Variants in DNAI1 observed in about 807,000 individuals in gnomAD.
The protein encoded by DNAI1 is dynein, axonemal, intermediate polypeptide 1.
DNAI1 carries 67 observed loss-of-function variants against 92.0 expected under a neutral mutation model. The observed-to-expected ratio is 0.73, with a 90% CI of 0.60 to 0.89. The LOEUF (loss-of-function observed/expected upper bound fraction) is 0.89, where lower values mean the gene tolerates loss of function less well. Ranked by LOEUF, DNAI1 falls within the 40% of genes least tolerant of loss-of-function variation. The pLI is 0.00. For missense variants in DNAI1, 839 were observed against 866.6 expected (o/e 0.97, Z 0.40); for synonymous variants, 323 against 319.6 (o/e 1.01, Z -0.11).
intron 9 of DNAI1, 61 bp downstream of exon 9, chr9:34,493,389 G>C: frequency 6.2e-7 from 1 of 1,608,304 alleles, no homozygotes; most frequent in Non-Finnish European, 8.5e-7. Context: ...TGGCCTCTGG[G>C]TAGACAGAAG....
At chr9:34,465,132 A>G (rs1824013991) in intron 1 of DNAI1, among the ~76,000 whole-genome samples, 1 of 152,238 alleles carries the variant, frequency 6.6e-6, no homozygotes, top group African/African-American at 2.4e-5. Context: ...TGGAAAGGAC[A>G]ATTTCAGAGT....
At chr9:34,468,839 G>C (rs183203612) in intron 1 of DNAI1, among the ~76,000 whole-genome samples, 1 of 150,368 alleles carries the variant, frequency 6.7e-6, no homozygotes, top group Non-Finnish European at 1.5e-5. Flanking sequence ...AAAAAAAAGA[G>C]AAAAGAAAAA....
At position 34,485,226 on chromosome 9, in the gene DNAI1, G is replaced by C. The variant is rs755152825; in HGVS notation, c.166G>C (p.Glu56Gln). 1.9e-6 allele frequency: 3 copies of C among 1,614,076 alleles called. No homozygotes were observed. The highest frequency in any genetic ancestry group is 3.3e-5 in the Admixed American group (2 of 60,010). Residue 56 changes from glutamate to glutamine, a missense_variant, in exon 3 of 20, where the codon GAG becomes CAG. Coordinates refer to ENST00000242317, the MANE Select transcript of DNAI1 (RefSeq NM_012144.4). Reference protein sequence around the residue: ...KATVRPPDQLELTDAELKEEF... With the variant: ...KATVRPPDQLQLTDAELKEEF... ...CACAGTTAGACCCCCTGACCAGCTG[G>C]AGTTGACCGATGCGGTGAGTGAGTA...
chr9:34,505,470 C>G (rs1824908235), intron 12 of DNAI1, among the ~76,000 whole-genome samples: 1 of 152,244 alleles, frequency 6.6e-6, no homozygotes, highest in Non-Finnish European at 1.5e-5. Flanking sequence ...TTAATCAAAT[C>G]TGCAGAATCC....
rs760977934 is a variant in DNAI1 at position 34,491,580 on chromosome 9, C to T, written c.681+26C>T. 4 of 1,613,516 alleles carry T rather than the reference C, an allele frequency of 2.5e-6. 1 individual carries two copies. Reference sequence around the variant, plus strand: ...GTAAGACCCTGGGCCAGCCTGAAACCTCTTACCACCCACCTCTATGTATCC... The same window carrying T: ...GTAAGACCCTGGGCCAGCCTGAAACTTCTTACCACCCACCTCTATGTATCC... On this transcript the variant is annotated intron_variant, in intron 8 of 19. Coordinates refer to ENST00000242317, the MANE Select transcript of DNAI1 (RefSeq NM_012144.4).
intron 1 of DNAI1, among the ~76,000 whole-genome samples, chr9:34,472,690 C>A (rs1824162126): frequency 6.6e-6 from 1 of 152,074 alleles, no homozygotes; most frequent in Non-Finnish European, 1.5e-5. Context: ...TCACTTGAGG[C>A]CAGAAGTTTG....
intron 10 of DNAI1, among the ~76,000 whole-genome samples, chr9:34,497,684 T>C (rs888765499): frequency 2.0e-5 from 3 of 152,088 alleles, no homozygotes; most frequent in Admixed American, 6.6e-5. Context: ...GATCCTCACA[T>C]AGGAGAGAAG....
intron 1 of DNAI1, among the ~76,000 whole-genome samples, chr9:34,482,082 CAG>C (rs1482445708): frequency 2.6e-5 from 4 of 152,356 alleles, no homozygotes; most frequent in African/African-American, 9.6e-5. Flanking sequence ...TAGTTAGATA[CAG>C]AGTTTCCACA....
At chr9:34,513,245 G>T in intron 16 of DNAI1, 54 bp downstream of exon 16, 1 of 1,417,862 alleles carries the variant, frequency 7.1e-7, no homozygotes, top group Admixed American at 1.7e-5. Flanking sequence ...TGAGCACCTG[G>T]GGAGCTTAGA....
In DNAI1 at chr9:34,459,149, C is replaced by T. The variant is rs770833457; in HGVS notation, c.48+96C>T. The T allele has an allele frequency of 1.0e-4, 122 of 1,221,932 alleles. No homozygotes were observed. In the South Asian group the frequency reaches 1.3e-3, roughly 13 times the overall value. The allele number at this position is 1,221,932 out of a possible 1,614,324, so 75.7% of individuals were successfully genotyped here. On this transcript the variant is annotated intron_variant, in intron 1 of 19. Transcript: ENST00000242317. ...CTCCTACTGATCCTTGATCTTTTCT[C>T]TGTTGACCCCAGCCTTCTCACCCCC... is the stretch of plus-strand genomic sequence containing the variant.
At chr9:34,506,603 C>T in intron 12 of DNAI1, 24 bp from the exon 13 acceptor site, 1 of 1,614,030 alleles carries the variant, frequency 6.2e-7, no homozygotes, top group Non-Finnish European at 8.5e-7. Flanking sequence ...CCTCCAACCT[C>T]AGCCGCCCAT....
At chr9:34,497,414 G>T (rs1370882096) in intron 10 of DNAI1, among the ~76,000 whole-genome samples, 1 of 152,216 alleles carries the variant, frequency 6.6e-6, no homozygotes, top group Non-Finnish European at 1.5e-5. Context: ...ATGAGATCTG[G>T]AAGTGGTGCA....
intron 9 of DNAI1, among the ~76,000 whole-genome samples, chr9:34,496,133 C>G (rs1172752301): frequency 2.6e-5 from 4 of 152,204 alleles, no homozygotes; most frequent in African/African-American, 9.7e-5. Context: ...ACCATCCGCC[C>G]CCACTTACCA....
intron 13 of DNAI1, among the ~76,000 whole-genome samples, chr9:34,510,063 GTCTAAGTCCC>G (rs1825034734): frequency 6.6e-6 from 1 of 152,238 alleles, no homozygotes; most frequent in Non-Finnish European, 1.5e-5. Flanking sequence ...AGACATCAGA[GTCTAAGTCCC>G]TCTTAACAGG....
chr9:34,471,939 A>C (rs777932935), intron 1 of DNAI1, among the ~76,000 whole-genome samples: 8 of 152,208 alleles, frequency 5.3e-5, no homozygotes, highest in Non-Finnish European at 8.8e-5. Context: ...ATGTCTAGTA[A>C]ACTGAAAGAT....
At position 34,489,400 on chromosome 9, in the gene DNAI1, A is replaced by C; in HGVS notation, c.339A>C (p.Lys113Asn). The C allele has an allele frequency of 6.2e-7, 1 of 1,614,152 alleles. No individual in the cohort carries two copies. ...CCCAGGTTGGGAACCTGATCCCCAAAGACTCAGATGAAGGACGGCGGCAGC... is the reference window on the plus strand; with the variant it reads ...CCCAGGTTGGGAACCTGATCCCCAACGACTCAGATGAAGGACGGCGGCAGC... Reference protein sequence around the residue: ...HYTQVGNLIPKDSDEGRRQHY... With the variant: ...HYTQVGNLIPNDSDEGRRQHY... Residue 113 changes from lysine to asparagine, a missense_variant, in exon 5 of 20, where the codon AAA becomes AAC. Coordinates refer to ENST00000242317, the MANE Select transcript of DNAI1 (RefSeq NM_012144.4).
At chr9:34,476,100 A>G (rs1824231307) in intron 1 of DNAI1, among the ~76,000 whole-genome samples, 1 of 152,150 alleles carries the variant, frequency 6.6e-6, no homozygotes. Flanking sequence ...AAAGGGGAAC[A>G]GTTTTACCTA....
rs1462083056 is a variant in DNAI1, at chr9:34,520,738, A to G, written c.2082A>G (p.Glu694=). 1 of 1,551,630 alleles carries G rather than the reference A, an allele frequency of 6.4e-7. No homozygotes were observed. ...ACAAACTGCTGAACCTGGTGAGGGA[A>G]GTGAAAATCAAGACCTGAGGGGCTG... The part of the protein sequence containing the change: ...KLDKLLNLVR[E]VKIKT The change falls in exon 20 of 20, where the codon GAA becomes GAG. Residue 694 remains glutamate, a synonymous_variant. Transcript: ENST00000242317.
At chr9:34,520,594 G>A in intron 19 of DNAI1, 64 bp from the exon 20 acceptor site, 4 of 1,446,582 alleles carry the variant, frequency 2.8e-6, no homozygotes, top group Non-Finnish European at 3.8e-6. Context: ...AGAGGAGGTG[G>A]TGCTGGGACC....
Sources: gnomAD v4.1 joint callset for allele counts (sites outside exome capture counted in the v4.1 genomes callset) on GRCh38, gnomAD v4.1.1 for gene constraint, MANE v1.5 for transcripts, NCBI Gene and HGNC (gene_info 2026-07-23, HGNC 2026-07-21) for gene names.